The following CDH7 variants were observed in gnomAD, a reference collection of about 807,000 sequenced individuals.
CDH7 encodes the protein cadherin 7, also known as cadherin-7.
Under a neutral mutation model 71.8 loss-of-function variants are expected in CDH7, and 25 were observed. The observed-to-expected ratio is 0.35, with a 90% CI of 0.25 to 0.49. CDH7 has a LOEUF of 0.49. Among genes scored for constraint, CDH7 ranks in the 20% least tolerant of loss-of-function variants. CDH7 has a pLI of 0.99. For synonymous variants in CDH7, 381 were observed against 363.8 expected (o/e 1.05, Z -0.54); for missense variants, 862 against 974.6 (o/e 0.88, Z 1.54).
At chr18:65,778,439 C>G (rs903187402) in intron 2 of CDH7, among the ~76,000 whole-genome samples, 8 of 151,382 alleles carry the variant, frequency 5.3e-5, no homozygotes, top group African/African-American at 1.7e-4. Context: ...AGGATATCCA[C>G]CATCCTTCAA....
In CDH7 at chr18:65,818,145, A is replaced by G. The variant is rs576802129; in HGVS notation, c.625+3541A>G. 5.9e-5 allele frequency among the ~76,000 whole-genome samples: 9 copies of G among 152,334 alleles called. No individual in the cohort carries two copies. In the East Asian group the frequency reaches 1.4e-3, roughly 23 times the overall value. ...AATATAATGCGGTATATTTATTTTC[A>G]CAATGCAATTCAAGTCTCAAAGATA... On this transcript the variant is annotated intron_variant, in intron 4 of 11. Transcript: ENST00000397968.
At chr18:65,852,676 G>A (rs529987474) in intron 7 of CDH7, among the ~76,000 whole-genome samples, 5 of 152,150 alleles carry the variant, frequency 3.3e-5, no homozygotes, top group African/African-American at 1.2e-4. Flanking sequence ...TAGATATAAA[G>A]ACATCACATC....
intron 11 of CDH7, among the ~76,000 whole-genome samples, chr18:65,879,720 A>G (rs2144071021): frequency 6.6e-6 from 1 of 152,310 alleles, no homozygotes; most frequent in South Asian, 2.1e-4. Context: ...AATTCCTAAC[A>G]TTAAAGGGGT....
In CDH7 at chr18:65,809,827, C is replaced by T. The variant is rs775706781; in HGVS notation, c.334C>T (p.Arg112Cys). 1 of 1,613,940 alleles carries T rather than the reference C, an allele frequency of 6.2e-7. No individual in the cohort carries two copies. The highest frequency in any genetic ancestry group is 1.7e-5 in the Admixed American group (1 of 59,984). ...GDIHATKRLD[R>C]EEQAYYTLRA... ...TATTCATGCCACCAAGAGACTGGAT[C>T]GTGAGGAGCAGGCCTACTACACGCT... Residue 112 changes from arginine to cysteine, a missense_variant, in exon 3 of 12, where the codon CGT (arginine) becomes TGT (cysteine). Arg to Cys is a radical substitution (Grantham distance 180). Transcript: ENST00000397968.
At chr18:65,849,632 C>T (rs1467410551) in intron 7 of CDH7, among the ~76,000 whole-genome samples, 12 of 151,506 alleles carry the variant, frequency 7.9e-5, no homozygotes, top group Non-Finnish European at 1.5e-4. Context: ...AGGCTTGCCT[C>T]GAACTCCTGA....
chr18:65,772,073 C>T (rs1244696344), intron 2 of CDH7, among the ~76,000 whole-genome samples: 3 of 152,106 alleles, frequency 2.0e-5, no homozygotes, highest in Non-Finnish European at 4.4e-5. Context: ...TTATCTCCTT[C>T]GTTAAAATGC....
chr18:65,854,481 C>A (rs1415394891), intron 7 of CDH7, among the ~76,000 whole-genome samples: 4 of 150,454 alleles, frequency 2.7e-5, no homozygotes, highest in Non-Finnish European at 5.9e-5. Flanking sequence ...GGTTGGAGAC[C>A]AGTTTAGCAT....
At chr18:65,793,053 C>G (rs1316727028) in intron 2 of CDH7, among the ~76,000 whole-genome samples, 1 of 152,124 alleles carries the variant, frequency 6.6e-6, no homozygotes, top group Non-Finnish European at 1.5e-5. Flanking sequence ...TAGTAATTAT[C>G]TCTTACAACT....
intron 1 of CDH7, among the ~76,000 whole-genome samples, chr18:65,758,604 A>G (rs1486662863): frequency 6.6e-6 from 1 of 152,240 alleles, no homozygotes; most frequent in Non-Finnish European, 1.5e-5. Flanking sequence ...AATATACACA[A>G]TGCCAGTTAA....
chr18:65,762,563 A>G (rs1408969887), intron 1 of CDH7, 84 bp from the exon 2 acceptor site: 3 of 218,370 alleles, frequency 1.4e-5, no homozygotes, highest in Non-Finnish European at 2.7e-5. Flanking sequence ...GTCTTAAGAA[A>G]ATCAATAGTA....
chr18:65,814,471 G>A lies in CDH7; in HGVS notation c.506-14G>A, dbSNP rs941843960. On this transcript the variant is annotated splice_polypyrimidine_tract_variant and intron_variant, in intron 3 of 11. Transcript: ENST00000397968. ...GGAAGTTTTTAATTCAGTGGTTTTGGGATTGGCATCTAGGGACCTCAGTGG... is the reference window on the plus strand; with the variant it reads ...GGAAGTTTTTAATTCAGTGGTTTTGAGATTGGCATCTAGGGACCTCAGTGG... 6.2e-7 allele frequency: 1 copy of A among 1,613,684 alleles called. No individual in the cohort carries two copies. Among genetic ancestry groups the A allele is most frequent in the Non-Finnish European group, 8.5e-7 (1 of 1,179,786 alleles).
chr18:65,778,122 A>T (rs1910021258), intron 2 of CDH7, among the ~76,000 whole-genome samples: 1 of 152,020 alleles, frequency 6.6e-6, no homozygotes, highest in South Asian at 2.1e-4. Context: ...AAATACAAAA[A>T]TTAGCTGGGC....
chr18:65,855,684 C>G (rs369106892), intron 7 of CDH7, among the ~76,000 whole-genome samples: 10 of 152,142 alleles, frequency 6.6e-5, no homozygotes, highest in African/African-American at 2.4e-4. Flanking sequence ...GAAGAATTAC[C>G]AAGTGTACAC....
intron 2 of CDH7, among the ~76,000 whole-genome samples, chr18:65,794,171 GT>G (rs34950383): frequency 1.4e-3 from 210 of 151,106 alleles, no homozygotes; most frequent in Admixed American, 2.2e-3. Context: ...ATAATACACA[GT>G]TTTTTTTTCT....
At position 65,874,580 on chromosome 18, in the gene CDH7, G is replaced by A. The variant is rs150375554; in HGVS notation, c.1865-5821G>A. ...CTACCTGTTGAGTACAGTGTTCACTGTTTGGGTAATGTACACCAAAAGTCC... is the reference window on the plus strand; with the variant it reads ...CTACCTGTTGAGTACAGTGTTCACTATTTGGGTAATGTACACCAAAAGTCC... On this transcript the variant is annotated intron_variant, in intron 11 of 11. Transcript: ENST00000397968. Among the ~76,000 whole-genome samples, 637 of 152,142 alleles carry A rather than the reference G, an allele frequency of 4.2e-3. 7 individuals are homozygous for A. The highest frequency in any genetic ancestry group is 9.3e-3 in the African/African-American group (387 of 41,500).
At chr18:65,773,110 G>T (rs1916593077) in intron 2 of CDH7, among the ~76,000 whole-genome samples, 1 of 152,064 alleles carries the variant, frequency 6.6e-6, no homozygotes, top group African/African-American at 2.4e-5. Context: ...TGTGTGTAAG[G>T]AGTAGAAAGT....
chr18:65,792,925 G>T (rs1397014944), intron 2 of CDH7, among the ~76,000 whole-genome samples: 2 of 152,108 alleles, frequency 1.3e-5, no homozygotes, highest in Non-Finnish European at 2.9e-5. Flanking sequence ...TTCTGCCCTT[G>T]GCTGTCCCAC....
intron 4 of CDH7, among the ~76,000 whole-genome samples, chr18:65,821,585 A>T (rs374524732): frequency 6.6e-6 from 1 of 152,104 alleles, no homozygotes; most frequent in Admixed American, 6.5e-5. Flanking sequence ...TCTGTTGCAG[A>T]TGTATGTGTG....
rs557266155 is a variant in CDH7, at chr18:65,809,458, T to G, written c.211-246T>G. Among the ~76,000 whole-genome samples the G allele has an allele frequency of 2.3e-4, 35 of 152,286 alleles. No individual in the cohort carries two copies. The Middle Eastern group carries it at 0.014, about 59-fold the overall frequency. On this transcript the variant is annotated intron_variant, in intron 2 of 11. Transcript: ENST00000397968. The stretch of plus-strand genomic sequence containing the variant: ...TAACACTACAACCAGTTCCCAACTT[T>G]GGGACTGATATAAAATACCTTTGGA...
Sources: gnomAD v4.1 joint callset for allele counts (sites outside exome capture counted in the v4.1 genomes callset) on GRCh38, gnomAD v4.1.1 for gene constraint, MANE v1.5 for transcripts, NCBI Gene and HGNC (gene_info 2026-07-23, HGNC 2026-07-21) for gene names.